Variants in L2HGDH observed in about 807,000 individuals in gnomAD.
L2HGDH encodes the protein L-2-hydroxyglutarate dehydrogenase, mitochondrial.
L2HGDH carries 34 observed loss-of-function variants against 51.5 expected under a neutral mutation model. The ratio of observed to expected loss-of-function variants is 0.66; its 90% CI spans 0.50 to 0.88. The LOEUF is 0.88. Ranked by LOEUF, L2HGDH falls within the 40% of genes least tolerant of loss-of-function variation. The pLI is 0.00. For synonymous variants in L2HGDH, 198 were observed against 197.9 expected, an observed-to-expected ratio of 1.00 and a Z score of -0.01; for missense variants, 558 against 571.9, an observed-to-expected ratio of 0.98 and a Z score of 0.25.
At chr14:50,275,426 T>C (rs1032368441) in intron 6 of L2HGDH, among the ~76,000 whole-genome samples, 23 of 152,222 alleles carry the variant, frequency 1.5e-4, no homozygotes, top group Admixed American at 6.5e-4. Context: ...GCTCTGAATA[T>C]AAATTTGTCT....
In L2HGDH at chr14:50,283,901, C is replaced by T. The variant is rs1186538675; in HGVS notation, c.673G>A (p.Ala225Thr). The T allele has an allele frequency of 1.2e-6, 2 of 1,614,050 alleles. No homozygotes were observed. The highest frequency in any genetic ancestry group is 4.5e-5 in the East Asian group (2 of 44,866). ...TNFEVKGIEM[A>T]KESPSRSIDG... ...ATACTTCTTGAAGGACTTTCTTTAG[C>T]CATTTCAATACCTTTTACTTCAAAA... The change falls in exon 5 of 10, where the codon GCT becomes ACT. Residue 225 changes from alanine to threonine, a missense_variant. Transcript: ENST00000267436.
chr14:50,303,428 T>G (rs1298501590), intron 1 of L2HGDH, among the ~76,000 whole-genome samples: 2 of 147,622 alleles, frequency 1.4e-5, no homozygotes, highest in Non-Finnish European at 3.0e-5. Context: ...AGCAATGTAT[T>G]GGGCCCTGTG....
chr14:50,277,520 A>C (rs1890039925), intron 6 of L2HGDH, among the ~76,000 whole-genome samples: 1 of 152,032 alleles, frequency 6.6e-6, no homozygotes, highest in African/African-American at 2.4e-5. Flanking sequence ...TCACACCTGT[A>C]ATCCCAGCAC....
At chr14:50,272,375 T>C (rs1193697812) in intron 6 of L2HGDH, among the ~76,000 whole-genome samples, 1 of 152,100 alleles carries the variant, frequency 6.6e-6, no homozygotes, top group Non-Finnish European at 1.5e-5. Flanking sequence ...CAGAAACAGA[T>C]TTTCAATTCT....
chr14:50,272,639 C>T (rs566261616), intron 6 of L2HGDH, among the ~76,000 whole-genome samples: 41 of 152,276 alleles, frequency 2.7e-4, no homozygotes, highest in Admixed American at 1.1e-3. Context: ...ATATGAGCTA[C>T]CCATTATTAA....
At position 50,243,962 on chromosome 14, in the gene L2HGDH, T is replaced by C. The variant is rs991205897; in HGVS notation, c.*3096A>G. On this transcript the variant is annotated 3_prime_UTR_variant, in exon 10 of 10. Coordinates refer to ENST00000267436, the MANE Select transcript of L2HGDH (RefSeq NM_024884.3). Reference sequence around the variant, plus strand: ...GTTTTTTGTTCTTGCGATAGTTTACTGAGAATGATGATTTCCAATTTCATC... The same window carrying C: ...GTTTTTTGTTCTTGCGATAGTTTACCGAGAATGATGATTTCCAATTTCATC... 1.3e-5 allele frequency: 2 copies of C among 150,518 alleles called. No individual in the cohort carries two copies. Among genetic ancestry groups the C allele is most frequent in the African/African-American group, 4.9e-5 (2 of 40,960 alleles). 9.3% of individuals were successfully genotyped at this position (150,518 alleles called of 1,614,324 possible).
At chr14:50,288,884 C>T (rs1890710898) in intron 4 of L2HGDH, among the ~76,000 whole-genome samples, 1 of 152,192 alleles carries the variant, frequency 6.6e-6, no homozygotes. Flanking sequence ...TGAGATGCTC[C>T]TTAATTCATG....
At chr14:50,290,334 A>G (rs527811685) in intron 4 of L2HGDH, among the ~76,000 whole-genome samples, 64 of 152,328 alleles carry the variant, frequency 4.2e-4, no homozygotes, top group African/African-American at 1.5e-3. Flanking sequence ...GGAATCAGAT[A>G]ATTCAAAAAT....
In L2HGDH at chr14:50,242,854, C is replaced by G; in HGVS notation, c.*4204G>C. The G allele has an allele frequency of 1.0e-6, 1 of 985,426 alleles. No individual in the cohort carries two copies. Among genetic ancestry groups the G allele is most frequent in the Non-Finnish European group, 1.2e-6 (1 of 829,936 alleles). 61.0% of individuals were successfully genotyped at this position (985,426 alleles called of 1,614,324 possible). A position where few individuals can be genotyped will look rare whatever the true frequency, so the allele number is the denominator to read the frequency against. ...AACCTCTGACCAAGAAGTCTAGACA[C>G]AGATTAAGGGCCCAGGAGGGCAGAG... On this transcript the variant is annotated 3_prime_UTR_variant, in exon 10 of 10. Coordinates refer to ENST00000267436, the MANE Select transcript of L2HGDH (RefSeq NM_024884.3).
chr14:50,305,166 G>A (rs993306440), intron 1 of L2HGDH, among the ~76,000 whole-genome samples: 5 of 152,172 alleles, frequency 3.3e-5, no homozygotes, highest in African/African-American at 9.7e-5. Context: ...GGTCATAAGT[G>A]GATAAAGTTC....
Position 50,245,351 on chromosome 14 carries a change from C to A in L2HGDH, c.*1707G>T. ...CTGCTCTCATAAAAATCTGTCTCTTCTAAGTTATTTCAGTTCTCAGCCACA... is the reference window on the plus strand; with the variant it reads ...CTGCTCTCATAAAAATCTGTCTCTTATAAGTTATTTCAGTTCTCAGCCACA... On this transcript the variant is annotated 3_prime_UTR_variant, in exon 10 of 10. Coordinates refer to ENST00000267436, the MANE Select transcript of L2HGDH (RefSeq NM_024884.3). The A allele has an allele frequency of 1.0e-6, 1 of 985,384 alleles. No individual in the cohort carries two copies. Among genetic ancestry groups the A allele is most frequent in the Non-Finnish European group, 1.2e-6 (1 of 829,912 alleles). The allele number at this position is 985,384 out of a possible 1,614,324, so 61.0% of individuals were successfully genotyped here.
At chr14:50,284,967 G>T (rs1473124124) in intron 4 of L2HGDH, among the ~76,000 whole-genome samples, 2 of 152,184 alleles carry the variant, frequency 1.3e-5, no homozygotes, top group Non-Finnish European at 2.9e-5. Context: ...TCATTTTGCG[G>T]CCGGGCGCAG....
At position 50,244,310 on chromosome 14, in the gene L2HGDH, G is replaced by T; in HGVS notation, c.*2748C>A. On this transcript the variant is annotated 3_prime_UTR_variant, in exon 10 of 10. Coordinates refer to ENST00000267436, the MANE Select transcript of L2HGDH (RefSeq NM_024884.3). Reference sequence around the variant, plus strand: ...TTACAGTCCCACCAACAGTGTAAAAGTGTTCCTATTTCTCCACATCCTCTC... The same window carrying T: ...TTACAGTCCCACCAACAGTGTAAAATTGTTCCTATTTCTCCACATCCTCTC... 1 of 791,562 alleles carries T rather than the reference G, an allele frequency of 1.3e-6. No individual in the cohort carries two copies. Among genetic ancestry groups the T allele is most frequent in the Non-Finnish European group, 1.5e-6 (1 of 653,358 alleles). 49.0% of individuals were successfully genotyped at this position (791,562 alleles called of 1,614,324 possible). A position where few individuals can be genotyped will look rare whatever the true frequency, so the allele number is the denominator to read the frequency against.
At position 50,244,087 on chromosome 14, in the gene L2HGDH, G is replaced by A. The variant is rs1468797595; in HGVS notation, c.*2971C>T. ...TTTCTTAATCCAGTCTATCGTTGTT[G>A]GACATTTGGGTTGGTTCCAAGTCTT... On this transcript the variant is annotated 3_prime_UTR_variant, in exon 10 of 10. Transcript: ENST00000267436. 6.6e-6 allele frequency: 1 copy of A among 151,784 alleles called. No individual in the cohort carries two copies. The highest frequency in any genetic ancestry group is 2.4e-5 in the African/African-American group (1 of 41,260). The allele number at this position is 151,784 out of a possible 1,614,324, so 9.4% of individuals were successfully genotyped here.
intron 9 of L2HGDH, among the ~76,000 whole-genome samples, chr14:50,263,206 A>G (rs1362014132): frequency 6.6e-6 from 1 of 152,228 alleles, no homozygotes; most frequent in African/African-American, 2.4e-5. Flanking sequence ...AGTAATAGAA[A>G]CCAGATTTGA....
intron 4 of L2HGDH, chr14:50,287,427 A>C: frequency 2.1e-6 from 1 of 477,720 alleles, no homozygotes; most frequent in South Asian, 9.0e-5. Flanking sequence ...TCTACAATTA[A>C]ATTATTTTCA....
At chr14:50,298,767 A>G (rs1377318847) in intron 3 of L2HGDH, among the ~76,000 whole-genome samples, 2 of 152,242 alleles carry the variant, frequency 1.3e-5, no homozygotes, top group Non-Finnish European at 2.9e-5. Flanking sequence ...TAAGAAGGAA[A>G]TTTAAAAATC....
chr14:50,268,005 C>A, intron 7 of L2HGDH, 95 bp from the exon 8 acceptor site: 2 of 1,177,624 alleles, frequency 1.7e-6, no homozygotes, highest in South Asian at 2.5e-5. Flanking sequence ...ACTTTCTTCT[C>A]ATGCATTTAA....
Position 50,244,388 on chromosome 14 carries a change from G to A in L2HGDH, c.*2670C>T. On this transcript the variant is annotated 3_prime_UTR_variant, in exon 10 of 10. Transcript: ENST00000267436. ...ATTGTACAGACTCAAATGGATTGAG[G>A]ACTGCTTCAATTAGGACAATCATTT... 1 of 985,292 alleles carries A rather than the reference G, an allele frequency of 1.0e-6. No individual in the cohort carries two copies. The highest frequency in any genetic ancestry group is 1.2e-6 in the Non-Finnish European group (1 of 829,836). 61.0% of individuals were successfully genotyped at this position (985,292 alleles called of 1,614,324 possible). A position where few individuals can be genotyped will look rare whatever the true frequency, so the allele number is the denominator to read the frequency against.
Sources: allele counts gnomAD v4.1 joint callset (sites outside exome capture counted in the v4.1 genomes callset), GRCh38; gene constraint gnomAD v4.1.1; transcripts MANE v1.5; gene names NCBI Gene and HGNC (gene_info 2026-07-23, HGNC 2026-07-21).